MAST4: variants seen among roughly 807,000 people sequenced by gnomAD.
MAST4 encodes the protein microtubule-associated serine/threonine-protein kinase 4.
A neutral mutation model predicts 162.7 loss-of-function variants in MAST4; 89 were observed. The observed-to-expected ratio is 0.55, with a 90% CI of 0.46 to 0.65. The LOEUF (loss-of-function observed/expected upper bound fraction) is 0.65, where lower values mean the gene tolerates loss of function less well. Among genes scored for constraint, MAST4 ranks in the 30% least tolerant of loss-of-function variants. The probability of loss-of-function intolerance (pLI) is 0.00; values close to 1 mark genes in which losing one functional copy is unlikely to be tolerated. For synonymous variants in MAST4, 1,479 were observed against 1,361.1 expected, an observed-to-expected ratio of 1.09 and a Z score of -1.91; for missense variants, 3,153 against 3,374.0, an observed-to-expected ratio of 0.93 and a Z score of 1.62.
intron 4 of MAST4, chr5:66,902,764 A>T (rs1763093059): frequency 2.2e-6 from 1 of 456,228 alleles, no homozygotes; most frequent in South Asian, 1.6e-5. Context: ...TTCCAGAGGC[A>T]TTCCAGCTTC....
intron 4 of MAST4, among the ~76,000 whole-genome samples, chr5:67,037,896 A>G (rs1361423134): frequency 6.6e-6 from 1 of 152,100 alleles, no homozygotes; most frequent in Non-Finnish European, 1.5e-5. Context: ...TAAAACTAGA[A>G]CACAAACATT....
intron 3 of MAST4, among the ~76,000 whole-genome samples, chr5:66,804,683 A>G (rs76808391): frequency 6.6e-6 from 1 of 151,626 alleles, no homozygotes; most frequent in Non-Finnish European, 1.5e-5. Flanking sequence ...TTGATCTACC[A>G]TTTTTTTTCT....
chr5:67,166,536 G>T lies in MAST4; in HGVS notation c.7357G>T (p.Ala2453Ser). The T allele has an allele frequency of 6.2e-7, 1 of 1,607,148 alleles. No individual in the cohort carries two copies. The highest frequency in any genetic ancestry group is 8.5e-7 in the Non-Finnish European group (1 of 1,176,874). Reference sequence around the variant, plus strand: ...TGGGCAGAGTTCTTTCCGATCCACGGCCCTCCCGGAAAAGTCTCTGAGCTG... The same window carrying T: ...TGGGCAGAGTTCTTTCCGATCCACGTCCCTCCCGGAAAAGTCTCTGAGCTG... ...ATGQSSFRSTALPEKSLSCSS... is the reference protein window; with the variant it reads ...ATGQSSFRSTSLPEKSLSCSS... Residue 2453 changes from alanine (A) to serine (S), a missense_variant, in exon 29 of 29, where the codon GCC (alanine) becomes TCC (serine). This residue lies in a region of MAST4 where 1,644 missense variants were observed against 1,495.0 expected (regional missense o/e 1.10). Coordinates refer to ENST00000403625, the MANE Select transcript of MAST4 (RefSeq NM_001164664.2).
rs77174060 is a variant in MAST4, at chr5:67,011,533, C to T, written c.675-42871C>T. On this transcript the variant is annotated intron_variant, in intron 4 of 28. Coordinates refer to ENST00000403625, the MANE Select transcript of MAST4 (RefSeq NM_001164664.2). Reference sequence around the variant, plus strand: ...CGTTGCTAATATTCCATGACGCCGTCCAGTAACCTGGGCTGCCCTTGCTCC... The same window carrying T: ...CGTTGCTAATATTCCATGACGCCGTTCAGTAACCTGGGCTGCCCTTGCTCC... 1.4e-3 allele frequency among the ~76,000 whole-genome samples: 208 copies of T among 152,338 alleles called. 2 individuals are homozygous for T. Among genetic ancestry groups the T allele is most frequent in the African/African-American group, 4.9e-3 (204 of 41,574 alleles).
At chr5:66,969,161 G>A (rs1383916462) in intron 4 of MAST4, among the ~76,000 whole-genome samples, 1 of 152,148 alleles carries the variant, frequency 6.6e-6, no homozygotes, top group Non-Finnish European at 1.5e-5. Flanking sequence ...GTGTTCCTTT[G>A]CAGCCACATT....
intron 3 of MAST4, among the ~76,000 whole-genome samples, chr5:66,801,415 G>A (rs1047690428): frequency 2.6e-5 from 4 of 152,148 alleles, no homozygotes; most frequent in Non-Finnish European, 4.4e-5. Flanking sequence ...GTACATACCA[G>A]CTATCAGCTT....
At chr5:66,987,286 C>T (rs923534864) in intron 4 of MAST4, among the ~76,000 whole-genome samples, 1 of 152,092 alleles carries the variant, frequency 6.6e-6, no homozygotes, top group Non-Finnish European at 1.5e-5. Flanking sequence ...TTTGGTGTAA[C>T]CCTCCTTCAT....
chr5:66,782,891 C>T (rs1754942594), intron 2 of MAST4, among the ~76,000 whole-genome samples: 1 of 152,188 alleles, frequency 6.6e-6, no homozygotes, highest in Non-Finnish European at 1.5e-5. Context: ...CAGCAACACA[C>T]TTTTTAGAGG....
At chr5:66,808,963 A>AG (rs1408312448) in intron 3 of MAST4, among the ~76,000 whole-genome samples, 1 of 152,122 alleles carries the variant, frequency 6.6e-6, no homozygotes, top group Non-Finnish European at 1.5e-5. Flanking sequence ...TTTGTATAGC[A>AG]CTTCACTGGG....
chr5:67,103,549 A>G (rs1765267582), intron 9 of MAST4, among the ~76,000 whole-genome samples: 1 of 152,234 alleles, frequency 6.6e-6, no homozygotes. Context: ...GTCTCCCTGC[A>G]TATATAATTA....
At chr5:66,786,680 G>A (rs893415974) in intron 2 of MAST4, among the ~76,000 whole-genome samples, 8 of 152,082 alleles carry the variant, frequency 5.3e-5, no homozygotes, top group Non-Finnish European at 7.4e-5. Flanking sequence ...ACAGGGGACC[G>A]ATTTCTCAAA....
At chr5:66,901,760 G>A (rs1258662814) in intron 4 of MAST4, among the ~76,000 whole-genome samples, 1 of 152,022 alleles carries the variant, frequency 6.6e-6, no homozygotes, top group Non-Finnish European at 1.5e-5. Context: ...AAATAAACAT[G>A]CTATTTTGTA....
At chr5:67,112,165 A>G (rs1766319350) in intron 11 of MAST4, among the ~76,000 whole-genome samples, 1 of 152,164 alleles carries the variant, frequency 6.6e-6, no homozygotes, top group Admixed American at 6.5e-5. Context: ...TATCCAGGAA[A>G]TATATCTGAA....
At chr5:66,793,307 T>A (rs1446654905) in intron 3 of MAST4, among the ~76,000 whole-genome samples, 1 of 152,214 alleles carries the variant, frequency 6.6e-6, no homozygotes, top group African/African-American at 2.4e-5. Flanking sequence ...GTCCGCCTGC[T>A]GGGACACCAG....
At chr5:66,994,665 C>T (rs759165735) in intron 4 of MAST4, among the ~76,000 whole-genome samples, 3 of 152,162 alleles carry the variant, frequency 2.0e-5, no homozygotes, top group Non-Finnish European at 4.4e-5. Flanking sequence ...GCAGAAACGT[C>T]GTCTTTACCT....
chr5:66,977,585 A>G (rs867924373), intron 4 of MAST4, among the ~76,000 whole-genome samples: 26 of 152,118 alleles, frequency 1.7e-4, no homozygotes, highest in African/African-American at 6.3e-4. Flanking sequence ...GTTTATTGTC[A>G]GTGTTTAGAC....
chr5:66,748,435 C>CT (rs1367066832), intron 1 of MAST4, among the ~76,000 whole-genome samples: 3 of 132,864 alleles, frequency 2.3e-5, no homozygotes, highest in Non-Finnish European at 3.2e-5. Flanking sequence ...CTCCCTCCCT[C>CT]CCTCCCTCTC....
chr5:67,042,519 CTCT>C (rs1387942822), intron 4 of MAST4, among the ~76,000 whole-genome samples: 2 of 145,154 alleles, frequency 1.4e-5, no homozygotes, highest in South Asian at 2.2e-4. Context: ...TTCCTTTGAC[CTCT>C]TTTTTTTTTT....
In MAST4 at chr5:67,134,590, A is replaced by G; in HGVS notation, c.2294A>G (p.Asp765Gly). 1 of 1,613,762 alleles carries G rather than the reference A, an allele frequency of 6.2e-7. No homozygotes were observed. Among genetic ancestry groups the G allele is most frequent in the Non-Finnish European group, 8.5e-7 (1 of 1,179,718 alleles). Residue 765 changes from aspartate (D) to glycine (G), a missense_variant, in exon 18 of 29, where the codon GAC (aspartate) becomes GGC (glycine). Asp to Gly is a moderately conservative substitution (Grantham distance 94). Transcript: ENST00000403625. ...AGGCAGGGTTATGGAAAGCCGGTGG[A>G]CTGGTGGGCCATGGGGATTATCCTC... Reference protein sequence around the residue: ...ILRQGYGKPVDWWAMGIILYE... With the variant: ...ILRQGYGKPVGWWAMGIILYE...
Sources: gnomAD v4.1 joint callset for allele counts (sites outside exome capture counted in the v4.1 genomes callset) on GRCh38, gnomAD v4.1.1 for gene constraint, gnomAD v4.1.1 regional missense constraint, MANE v1.5 for transcripts, NCBI Gene and HGNC (gene_info 2026-07-23, HGNC 2026-07-21) for gene names.